Variants in FGF1 observed in about 807,000 individuals in gnomAD.
The protein encoded by FGF1 is beta-endothelial cell growth factor.
In FGF1, 9 loss-of-function variants were observed where a neutral mutation model predicts 13.4. That is an observed-to-expected ratio of 0.67 (90% confidence interval 0.40 to 1.17). FGF1 has a LOEUF of 1.17. Ranked by LOEUF, FGF1 falls within the 50% of genes most tolerant of loss-of-function variation. FGF1 has a pLI of 0.01. For synonymous variants in FGF1, 93 were observed against 79.0 expected, an observed-to-expected ratio of 1.18 and a Z score of -0.94; for missense variants, 156 against 192.7, an observed-to-expected ratio of 0.81 and a Z score of 1.13.
chr5:142,697,572 G>C (rs1433453161), intron 2 of FGF1: 1 of 152,306 alleles, frequency 6.6e-6, no homozygotes, highest in East Asian at 1.9e-4. Context: ...ATGAAGCCAA[G>C]CAGAAAGTCT....
At chr5:142,650,865 G>A (rs1325786491) in intron 1 of FGF1, among the ~76,000 whole-genome samples, 1 of 152,112 alleles carries the variant, frequency 6.6e-6, no homozygotes, top group Non-Finnish European at 1.5e-5. Flanking sequence ...GCATTCAGGA[G>A]GGACATGGAG....
chr5:142,619,112 T>G (rs1760929415), intron 1 of FGF1, among the ~76,000 whole-genome samples: 1 of 151,932 alleles, frequency 6.6e-6, no homozygotes, highest in South Asian at 2.1e-4. Flanking sequence ...TTTTTTGTAT[T>G]TTTAGTAGAG....
At chr5:142,627,849 G>A (rs1466626735) in intron 1 of FGF1, among the ~76,000 whole-genome samples, 4 of 152,170 alleles carry the variant, frequency 2.6e-5, no homozygotes, top group Non-Finnish European at 1.5e-5. Context: ...TATTTCTAGA[G>A]GTTCCATGTA....
At chr5:142,664,870 T>C (rs768215368) in intron 1 of FGF1, among the ~76,000 whole-genome samples, 8 of 152,188 alleles carry the variant, frequency 5.3e-5, no homozygotes, top group Non-Finnish European at 7.3e-5. Flanking sequence ...CAGTTTCCTC[T>C]TTTCTATAAT....
chr5:142,670,367 A>G (rs1400220633), intron 1 of FGF1, among the ~76,000 whole-genome samples: 3 of 152,040 alleles, frequency 2.0e-5, no homozygotes, highest in African/African-American at 7.2e-5. Context: ...ATTTTGCTCA[A>G]TGTTCTGCTA....
chr5:142,692,459 T>C (rs1319306713), intron 2 of FGF1, among the ~76,000 whole-genome samples: 1 of 152,176 alleles, frequency 6.6e-6, no homozygotes, highest in Non-Finnish European at 1.5e-5. Flanking sequence ...TCACTTGACA[T>C]GTGACAGAGA....
At position 142,646,208 on chromosome 5, in the gene FGF1, CTTTTTTTTTTTTTTT is replaced by C. The variant is rs762008952; in HGVS notation, c.-34-32062_-34-32048del. 9.1e-5 allele frequency among the ~76,000 whole-genome samples: 5 copies of C among 54,946 alleles called. 1 individual carries two copies. The highest frequency in any genetic ancestry group is 9.6e-5 in the Non-Finnish European group (3 of 31,158). 36.0% of individuals were successfully genotyped at this position (54,946 alleles called of 152,430 possible). ...ACAGGCGTGAGCCACCGCACCTGGCCTTTTTTTTTTTTTTTTTTTTTTTTTGGAGACAGAGTTTCA... is the reference window on the plus strand; with the variant it reads ...ACAGGCGTGAGCCACCGCACCTGGCCTTTTTTTTTTGGAGACAGAGTTTCA... On this transcript the variant is annotated intron_variant, in intron 1 of 3. Transcript: ENST00000337706.
intron 1 of FGF1, chr5:142,679,821 C>A (rs1216196834): frequency 6.6e-6 from 1 of 152,180 alleles, no homozygotes; most frequent in Admixed American, 6.5e-5. Flanking sequence ...GCGGGGGAAC[C>A]TAGGAATCTG....
At chr5:142,597,671 G>A (rs998284712) in intron 3 of FGF1, among the ~76,000 whole-genome samples, 1 of 152,206 alleles carries the variant, frequency 6.6e-6, no homozygotes, top group Admixed American at 6.5e-5. Context: ...TGTGACCCCT[G>A]CAGTCTCTCT....
rs1024529001 is a variant in FGF1, at chr5:142,595,125, C to A, written c.*165G>T. 5 of 606,220 alleles carry A rather than the reference C, an allele frequency of 8.2e-6. No homozygotes were observed. In the East Asian group the frequency reaches 1.1e-4, roughly 14 times the overall value. The allele number at this position is 606,220 out of a possible 1,614,324, so 37.6% of individuals were successfully genotyped here. On this transcript the variant is annotated 3_prime_UTR_variant, in exon 4 of 4. Transcript: ENST00000337706. ...TTCTAAACTGTGCAGGGGTAAAAGG[C>A]TCTGCAAAGAAGTGAACTGGGCATT...
intron 1 of FGF1, among the ~76,000 whole-genome samples, chr5:142,647,744 G>A (rs1424845831): frequency 6.6e-6 from 1 of 152,194 alleles, no homozygotes; most frequent in East Asian, 1.9e-4. Context: ...GAGGTCAGGT[G>A]TAGAATATTC....
At chr5:142,675,846 G>A (rs1248209727) in intron 1 of FGF1, among the ~76,000 whole-genome samples, 2 of 152,188 alleles carry the variant, frequency 1.3e-5, no homozygotes, top group Non-Finnish European at 2.9e-5. Flanking sequence ...AGGGGACATT[G>A]AGCAGAATTT....
chr5:142,627,729 C>T (rs1202167836), intron 1 of FGF1, among the ~76,000 whole-genome samples: 1 of 152,220 alleles, frequency 6.6e-6, no homozygotes, highest in Non-Finnish European at 1.5e-5. Context: ...AGGAAGAAAA[C>T]AGTCACTTGC....
At chr5:142,697,931 C>G (rs1018478271) in exon 1 of FGF1, 5 of 152,406 alleles carry the variant, frequency 3.3e-5, no homozygotes, top group Middle Eastern at 3.4e-3. Flanking sequence ...AGGTTGGCCT[C>G]CTAGCCTTGG....
rs1011258124 is a variant in FGF1 at position 142,595,711 on chromosome 5, G to A, written c.274-227C>T. Among the ~76,000 whole-genome samples the A allele has an allele frequency of 3.9e-5, 6 of 152,298 alleles. No homozygotes were observed. In the South Asian group the frequency reaches 6.2e-4, roughly 16 times the overall value. On this transcript the variant is annotated intron_variant, in intron 3 of 3. Coordinates refer to ENST00000337706, the MANE Select transcript of FGF1 (RefSeq NM_000800.5). ...CTGTCAATATGCATTTGCTATTATT[G>A]TAAACTTCCTTTCCATTTAAAATCC...
At chr5:142,643,953 T>C (rs1470156287) in intron 1 of FGF1, among the ~76,000 whole-genome samples, 2 of 152,260 alleles carry the variant, frequency 1.3e-5, no homozygotes, top group Non-Finnish European at 2.9e-5. Context: ...ATCATTATCC[T>C]ATTGGCTTCC....
chr5:142,678,495 TG>T (rs1773077266), intron 1 of FGF1, among the ~76,000 whole-genome samples: 1 of 152,174 alleles, frequency 6.6e-6, no homozygotes, highest in African/African-American at 2.4e-5. Context: ...TGCTGCTTCT[TG>T]GTGACATCAT....
intron 2 of FGF1, among the ~76,000 whole-genome samples, chr5:142,607,451 T>C (rs1757937430): frequency 6.6e-6 from 1 of 152,204 alleles, no homozygotes; most frequent in Non-Finnish European, 1.5e-5. Flanking sequence ...GATACGTCCA[T>C]GGTCTGTAGG....
At chr5:142,649,375 A>G (rs1456944172) in intron 1 of FGF1, among the ~76,000 whole-genome samples, 1 of 151,206 alleles carries the variant, frequency 6.6e-6, no homozygotes, top group Non-Finnish European at 1.5e-5. Flanking sequence ...CAAATAGCCT[A>G]CCTTGCATTT....
Sources: allele counts gnomAD v4.1 joint callset (sites outside exome capture counted in the v4.1 genomes callset), GRCh38; gene constraint gnomAD v4.1.1; transcripts MANE v1.5; gene names NCBI Gene and HGNC (gene_info 2026-07-23, HGNC 2026-07-21).